Variants in CSNK1G1 observed in about 807,000 individuals in gnomAD.
CSNK1G1 encodes casein kinase 1 gamma 1, also known as casein kinase I isoform gamma-1.
Under a neutral mutation model 59.6 loss-of-function variants are expected in CSNK1G1, and 22 were observed. The observed-to-expected ratio is 0.37, with a 90% CI of 0.26 to 0.53. The LOEUF is 0.53. Ranked by LOEUF, CSNK1G1 falls within the 20% of genes least tolerant of loss-of-function variation. The pLI, the probability that CSNK1G1 is intolerant of heterozygous loss-of-function variation, is 0.89. For synonymous variants in CSNK1G1, 179 were observed against 177.1 expected (o/e 1.01, Z -0.08); for missense variants, 384 against 519.5 (o/e 0.74, Z 2.54).
intron 3 of CSNK1G1, among the ~76,000 whole-genome samples, chr15:64,258,502 A>T (rs1892515550): frequency 1.3e-5 from 2 of 152,202 alleles, no homozygotes; most frequent in African/African-American, 4.8e-5. Context: ...AGCTACCTGT[A>T]AATCCTGGGA....
In CSNK1G1 at chr15:64,354,024, G is replaced by A. The variant is rs571263984; in HGVS notation, c.-225+1964C>T. 7.2e-4 allele frequency among the ~76,000 whole-genome samples: 109 copies of A among 152,260 alleles called. 4 individuals are homozygous for A. The highest frequency in any genetic ancestry group is 2.2e-4 in the Non-Finnish European group (15 of 68,034). On this transcript the variant is annotated intron_variant, in intron 1 of 11. Transcript: ENST00000303052. Reference sequence around the variant, plus strand: ...GATTTTTATCTTAAAATTACAAGTAGGCCGGGCACGGTGGCTCACACCTGT... The same window carrying A: ...GATTTTTATCTTAAAATTACAAGTAAGCCGGGCACGGTGGCTCACACCTGT...
At position 64,338,425 on chromosome 15, in the gene CSNK1G1, C is replaced by A. The variant is rs140549493; in HGVS notation, c.-225+17563G>T. 3.3e-5 allele frequency among the ~76,000 whole-genome samples: 5 copies of A among 152,124 alleles called. No individual in the cohort carries two copies. The South Asian group carries it at 6.2e-4, about 19-fold the overall frequency. ...GATGGTTAAAAACACTTGAGCCCGG[C>A]GCGGTGGCTCACACCTGTAATCCCA... is the stretch of plus-strand genomic sequence containing the variant. On this transcript the variant is annotated intron_variant, in intron 1 of 11. Transcript: ENST00000303052.
At chr15:64,227,147 T>G (rs1309149032) in intron 4 of CSNK1G1, among the ~76,000 whole-genome samples, 1 of 152,244 alleles carries the variant, frequency 6.6e-6, no homozygotes, top group African/African-American at 2.4e-5. Flanking sequence ...TTCCTCAAAA[T>G]GCTGAAATAC....
chr15:64,177,399 T>C (rs917224602), intron 11 of CSNK1G1, among the ~76,000 whole-genome samples: 3 of 152,166 alleles, frequency 2.0e-5, no homozygotes, highest in Non-Finnish European at 4.4e-5. Flanking sequence ...TACCCTTTCC[T>C]TGCCCCCACA....
chr15:64,172,126 C>A, intron 11 of CSNK1G1, 141 bp from the exon 12 acceptor site: 1 of 722,512 alleles, frequency 1.4e-6, no homozygotes. Flanking sequence ...ACAGTGCACG[C>A]ACTGGAGGCA....
chr15:64,290,111 G>A (rs576214998), intron 2 of CSNK1G1, among the ~76,000 whole-genome samples: 20 of 152,210 alleles, frequency 1.3e-4, no homozygotes, highest in Non-Finnish European at 2.6e-4. Flanking sequence ...CACTGTTGGC[G>A]GGAATGTAAA....
At chr15:64,316,390 G>T (rs939787899) in intron 1 of CSNK1G1, among the ~76,000 whole-genome samples, 3 of 151,970 alleles carry the variant, frequency 2.0e-5, no homozygotes, top group African/African-American at 7.3e-5. Context: ...ACAAAAATTA[G>T]CCGGGCATGG....
rs1382368987 is a variant in CSNK1G1, at chr15:64,167,196, A to C, written c.*4735T>G. ...ATTTTTAAGACTGCTTGCTGGACAA[A>C]AGACTTTCAAGATTCCTTACTTGTG... is the stretch of plus-strand genomic sequence containing the variant. On this transcript the variant is annotated 3_prime_UTR_variant, in exon 12 of 12. Coordinates refer to ENST00000303052, the MANE Select transcript of CSNK1G1 (RefSeq NM_022048.5). 6.6e-6 allele frequency: 1 copy of C among 152,232 alleles called. No individual in the cohort carries two copies. The highest frequency in any genetic ancestry group is 1.5e-5 in the Non-Finnish European group (1 of 68,034). The allele number at this position is 152,232 out of a possible 1,614,324, so 9.4% of individuals were successfully genotyped here.
chr15:64,338,978 C>T (rs1320872184), intron 1 of CSNK1G1, among the ~76,000 whole-genome samples: 1 of 151,962 alleles, frequency 6.6e-6, no homozygotes, highest in African/African-American at 2.4e-5. Flanking sequence ...GATCACGCCA[C>T]TGCACTACAG....
In CSNK1G1 at chr15:64,167,717, G is replaced by A. The variant is rs571692233; in HGVS notation, c.*4214C>T. On this transcript the variant is annotated 3_prime_UTR_variant, in exon 12 of 12. Coordinates refer to ENST00000303052, the MANE Select transcript of CSNK1G1 (RefSeq NM_022048.5). ...GGCAACTCAATGGGAATGGAGAGCT[G>A]GTTTAAATGTGAAATGGAAGAGGTG... 1 of 152,800 alleles carries A rather than the reference G, an allele frequency of 6.5e-6. No individual in the cohort carries two copies. Among genetic ancestry groups the A allele is most frequent in the South Asian group, 2.1e-4 (1 of 4,820 alleles). The allele number at this position is 152,800 out of a possible 1,614,324, so 9.5% of individuals were successfully genotyped here. A position where few individuals can be genotyped will look rare whatever the true frequency, so the allele number is the denominator to read the frequency against.
At position 64,168,045 on chromosome 15, in the gene CSNK1G1, ATTAC is replaced by A. The variant is rs1444607411; in HGVS notation, c.*3882_*3885del. 1 of 152,388 alleles carries A rather than the reference ATTAC, an allele frequency of 6.6e-6. No individual in the cohort carries two copies. The highest frequency in any genetic ancestry group is 1.5e-5 in the Non-Finnish European group (1 of 68,040). 9.4% of individuals were successfully genotyped at this position (152,388 alleles called of 1,614,324 possible). A position where few individuals can be genotyped will look rare whatever the true frequency, so the allele number is the denominator to read the frequency against. The stretch of plus-strand genomic sequence containing the variant: ...TCTTCCCACTGAACTAAGTTTGGAA[ATTAC>A]TTTAGGGGTGATGGTCACCTTTTCT... On this transcript the variant is annotated 3_prime_UTR_variant, in exon 12 of 12. Coordinates refer to ENST00000303052, the MANE Select transcript of CSNK1G1 (RefSeq NM_022048.5).
intron 1 of CSNK1G1, among the ~76,000 whole-genome samples, chr15:64,329,694 T>C (rs1897020185): frequency 1.7e-5 from 1 of 59,198 alleles, no homozygotes; most frequent in Non-Finnish European, 3.4e-5. Context: ...CTGAAGGAAA[T>C]AGAGACACAA....
chr15:64,227,744 C>A (rs563544914), intron 4 of CSNK1G1, among the ~76,000 whole-genome samples: 98 of 152,282 alleles, frequency 6.4e-4, no homozygotes, highest in South Asian at 3.9e-3. Context: ...GTACTAAAGA[C>A]CCCATTTTAC....
At chr15:64,344,375 C>T (rs1332298890) in intron 1 of CSNK1G1, among the ~76,000 whole-genome samples, 1 of 152,098 alleles carries the variant, frequency 6.6e-6, no homozygotes, top group African/African-American at 2.4e-5. Context: ...AGCAGAATTC[C>T]ATTGTTGCTT....
chr15:64,210,859 C>T lies in CSNK1G1; in HGVS notation c.679+3031G>A, dbSNP rs1394929546. 2.0e-5 allele frequency among the ~76,000 whole-genome samples: 3 copies of T among 152,070 alleles called. No homozygotes were observed. The highest frequency in any genetic ancestry group is 4.8e-5 in the African/African-American group (2 of 41,402). On this transcript the variant is annotated intron_variant, in intron 6 of 11. Transcript: ENST00000303052. The surrounding 1 kb of genome is among the most constrained non-coding windows in gnomAD (Gnocchi z 4.2). ...AGGTGTTTGGGTCATGGGGGTATAT[C>T]CCTCATTAACTGATTAACGACCTCC...
At chr15:64,231,250 C>G (rs1326342691) in intron 4 of CSNK1G1, among the ~76,000 whole-genome samples, 2 of 149,706 alleles carry the variant, frequency 1.3e-5, no homozygotes, top group Non-Finnish European at 3.0e-5. Context: ...CTCTTGAGCC[C>G]AGGAGGTTGA....
At chr15:64,312,764 T>C (rs1016052656) in intron 1 of CSNK1G1, among the ~76,000 whole-genome samples, 1 of 152,112 alleles carries the variant, frequency 6.6e-6, no homozygotes, top group East Asian at 1.9e-4. Context: ...TGGGATCTAA[T>C]TAAACTAAAC....
intron 2 of CSNK1G1, among the ~76,000 whole-genome samples, chr15:64,296,663 G>A (rs189867273): frequency 4.6e-5 from 7 of 152,010 alleles, no homozygotes; most frequent in African/African-American, 1.2e-4. Context: ...TCAGGAGTTC[G>A]AGACCAGCCT....
intron 4 of CSNK1G1, among the ~76,000 whole-genome samples, chr15:64,245,420 A>G (rs1891699861): frequency 6.6e-6 from 1 of 152,226 alleles, no homozygotes. Flanking sequence ...AAAAAATAGT[A>G]AAAATAATAA....
Sources: gnomAD v4.1 joint callset for allele counts (sites outside exome capture counted in the v4.1 genomes callset) on GRCh38, gnomAD v4.1.1 for gene constraint, Gnocchi (gnomAD v3.1) non-coding constraint, MANE v1.5 for transcripts, NCBI Gene and HGNC (gene_info 2026-07-23, HGNC 2026-07-21) for gene names.